ERC2: variants seen among roughly 807,000 people sequenced by gnomAD.
ERC2 encodes ERC protein 2.
Under a neutral mutation model 114.8 loss-of-function variants are expected in ERC2, and 42 were observed. That is an observed-to-expected ratio of 0.37 (90% CI 0.29 to 0.47). The LOEUF (loss-of-function observed/expected upper bound fraction) is 0.47, where lower values mean the gene tolerates loss of function less well. Ranked by LOEUF, ERC2 falls within the 20% of genes least tolerant of loss-of-function variation. The pLI is 0.99. For missense variants in ERC2, 939 were observed against 1,150.7 expected (o/e 0.82, Z 2.66); for synonymous variants, 454 against 425.5 (o/e 1.07, Z -0.82).
intron 1 of ERC2, among the ~76,000 whole-genome samples, chr3:56,457,474 C>G (rs193191081): frequency 3.0e-4 from 45 of 152,226 alleles, no homozygotes; most frequent in Admixed American, 1.8e-3. Context: ...TGTCAAGTCC[C>G]ACACTCCCAC....
intron 17 of ERC2, chr3:55,607,090 T>TTCAG (rs1364529506): frequency 6.6e-6 from 1 of 152,420 alleles, no homozygotes; most frequent in Admixed American, 6.5e-5. Context: ...CCTCTCCTCA[T>TTCAG]TCAGTCATTC....
intron 17 of ERC2, among the ~76,000 whole-genome samples, chr3:55,525,101 A>G (rs2053223376): frequency 6.6e-6 from 1 of 152,206 alleles, no homozygotes; most frequent in Non-Finnish European, 1.5e-5. Context: ...CAATTTCTAA[A>G]GCATCATTTC....
intron 17 of ERC2, among the ~76,000 whole-genome samples, chr3:55,666,110 T>C (rs2061347270): frequency 6.6e-6 from 1 of 152,194 alleles, no homozygotes; most frequent in Non-Finnish European, 1.5e-5. Context: ...GCCTAGGTTT[T>C]GTAGGGGAGG....
At chr3:56,251,452 C>G (rs922890619) in intron 3 of ERC2, among the ~76,000 whole-genome samples, 1 of 152,076 alleles carries the variant, frequency 6.6e-6, no homozygotes. Context: ...CTGATCTGCA[C>G]TCTCCTGGTA....
At chr3:55,870,490 T>A (rs2062532269) in intron 14 of ERC2, among the ~76,000 whole-genome samples, 1 of 152,216 alleles carries the variant, frequency 6.6e-6, no homozygotes, top group Non-Finnish European at 1.5e-5. Context: ...CTAAGTGTTT[T>A]ACATGTACCA....
rs775096339 is a variant in ERC2 at position 55,627,585 on chromosome 3, T to C, written c.*39+56209A>G. Among the ~76,000 whole-genome samples the C allele has an allele frequency of 3.0e-4, 46 of 152,334 alleles. 1 individual carries two copies. The highest frequency in any genetic ancestry group is 2.1e-3 in the South Asian group (10 of 4,822). On this transcript the variant is annotated intron_variant, in intron 17 of 17. Transcript: ENST00000288221. ...TATGGGTGAGCCAATATCGTCACCTTAATATTTAGAAGCTAGGCAAGATTA... is the reference window on the plus strand; with the variant it reads ...TATGGGTGAGCCAATATCGTCACCTCAATATTTAGAAGCTAGGCAAGATTA...
At chr3:55,706,891 G>GT (rs1165380360) in intron 15 of ERC2, among the ~76,000 whole-genome samples, 5 of 152,164 alleles carry the variant, frequency 3.3e-5, no homozygotes, top group Non-Finnish European at 7.3e-5. Flanking sequence ...CCTTAGGGAA[G>GT]TAACACCTGC....
At chr3:56,388,352 T>A (rs2060009060) in intron 2 of ERC2, among the ~76,000 whole-genome samples, 1 of 152,062 alleles carries the variant, frequency 6.6e-6, no homozygotes, top group Non-Finnish European at 1.5e-5. Flanking sequence ...TGGAACTTCC[T>A]CCTCTCCCCC....
intron 14 of ERC2, among the ~76,000 whole-genome samples, chr3:55,811,126 C>T (rs2059705224): frequency 6.7e-6 from 1 of 149,494 alleles, no homozygotes; most frequent in African/African-American, 2.5e-5. Context: ...ATTTAAAATG[C>T]CATTAGGATT....
chr3:56,444,756 C>T (rs993376449), intron 1 of ERC2, among the ~76,000 whole-genome samples: 7 of 152,172 alleles, frequency 4.6e-5, no homozygotes, highest in East Asian at 1.9e-4. Flanking sequence ...CACAGATCTC[C>T]GCCTCAGCCC....
intron 4 of ERC2, among the ~76,000 whole-genome samples, chr3:56,157,460 G>A (rs909399481): frequency 6.6e-6 from 1 of 152,138 alleles, no homozygotes; most frequent in Non-Finnish European, 1.5e-5. Context: ...TTGAATTCCA[G>A]CTGCCCATCC....
At chr3:56,088,474 A>G (rs2077619294) in intron 6 of ERC2, among the ~76,000 whole-genome samples, 1 of 152,146 alleles carries the variant, frequency 6.6e-6, no homozygotes, top group African/African-American at 2.4e-5. Context: ...GAAGGGGGAA[A>G]AAATGACAGA....
chr3:56,286,067 T>C (rs1392761487), intron 3 of ERC2, among the ~76,000 whole-genome samples: 1 of 152,126 alleles, frequency 6.6e-6, no homozygotes, highest in Non-Finnish European at 1.5e-5. Context: ...TAACTGACAA[T>C]ACCCAATGTG....
chr3:55,726,095 C>T (rs756253711), intron 15 of ERC2, among the ~76,000 whole-genome samples: 2 of 152,198 alleles, frequency 1.3e-5, no homozygotes, highest in Non-Finnish European at 2.9e-5. Context: ...AGACACTTTG[C>T]ACTGAAGTCA....
chr3:56,251,097 A>G lies in ERC2; in HGVS notation c.1074+44922T>C, dbSNP rs907635070. On this transcript the variant is annotated intron_variant, in intron 3 of 17. Transcript: ENST00000288221. ...GCAGGGATCCCAAACAAAGTTATACACATGTAAGGGCTGAAGACATTTCTC... is the reference window on the plus strand; with the variant it reads ...GCAGGGATCCCAAACAAAGTTATACGCATGTAAGGGCTGAAGACATTTCTC... Among the ~76,000 whole-genome samples the G allele has an allele frequency of 2.0e-5, 3 of 152,180 alleles. 1 individual carries two copies. Among genetic ancestry groups the G allele is most frequent in the African/African-American group, 4.8e-5 (2 of 41,446 alleles).
chr3:55,772,483 T>G (rs1378764165), intron 14 of ERC2, among the ~76,000 whole-genome samples: 1 of 152,120 alleles, frequency 6.6e-6, no homozygotes, highest in East Asian at 1.9e-4. Flanking sequence ...CCTGGCTAAA[T>G]TTTTTGTATT....
chr3:55,714,347 G>C (rs552074997), intron 15 of ERC2, among the ~76,000 whole-genome samples: 10 of 152,214 alleles, frequency 6.6e-5, no homozygotes, highest in Admixed American at 6.5e-4. Flanking sequence ...GAAGAACACA[G>C]GGATGAATAC....
intron 14 of ERC2, among the ~76,000 whole-genome samples, chr3:55,776,171 T>C (rs1305307065): frequency 6.6e-6 from 1 of 150,426 alleles, no homozygotes; most frequent in East Asian, 1.9e-4. Flanking sequence ...GTTGAAAGTT[T>C]AGTAACTGAC....
chr3:55,919,834 G>A (rs2065313011), intron 13 of ERC2, among the ~76,000 whole-genome samples: 1 of 152,110 alleles, frequency 6.6e-6, no homozygotes, highest in Non-Finnish European at 1.5e-5. Flanking sequence ...TTAGGCAAAG[G>A]GAATTGCAAG....
Sources: allele counts gnomAD v4.1 joint callset (sites outside exome capture counted in the v4.1 genomes callset), GRCh38; gene constraint gnomAD v4.1.1; transcripts MANE v1.5; gene names NCBI Gene and HGNC (gene_info 2026-07-23, HGNC 2026-07-21).